The following DHX33 variants were observed in gnomAD, a reference collection of about 807,000 sequenced individuals.
The protein encoded by DHX33 is DEAH-box helicase 33, also known as ATP-dependent RNA helicase DHX33.
In DHX33, 42 loss-of-function variants were observed where a neutral mutation model predicts 72.5. The observed-to-expected ratio is 0.58, with a 90% CI of 0.45 to 0.75. The LOEUF (loss-of-function observed/expected upper bound fraction) is 0.75. Among genes scored for constraint, DHX33 ranks in the 30% least tolerant of loss-of-function variants. The pLI, the probability that DHX33 is intolerant of heterozygous loss-of-function variation, is 0.00. For missense variants in DHX33, 842 were observed against 917.5 expected, an observed-to-expected ratio of 0.92 and a Z score of 1.06; for synonymous variants, 358 against 366.1, an observed-to-expected ratio of 0.98 and a Z score of 0.25.
At chr17:5,449,369 C>G (rs964012094) in intron 10 of DHX33, among the ~76,000 whole-genome samples, 7 of 152,130 alleles carry the variant, frequency 4.6e-5, no homozygotes, top group Non-Finnish European at 7.3e-5. Context: ...GAAAAATGGA[C>G]AAAGGATATG....
Position 5,468,958 on chromosome 17 carries a change from G to GTTTTTGAA in DHX33, c.-100_-99insTTCAAAAA. The GTTTTTGAA allele has an allele frequency of 9.1e-7, 1 of 1,104,162 alleles. No individual in the cohort carries two copies. The highest frequency in any genetic ancestry group is 1.3e-6 in the Non-Finnish European group (1 of 778,254). 68.4% of individuals were successfully genotyped at this position (1,104,162 alleles called of 1,614,324 possible). ...CACACCGCCCCTTCCTCGCCGCCAC[G>GTTTTTGAA]TGCTGGCGGCTCCCGGCGACCACCG... On this transcript the variant is annotated 5_prime_UTR_variant, in exon 1 of 12. Coordinates refer to ENST00000225296, the MANE Select transcript of DHX33 (RefSeq NM_020162.4).
chr17:5,450,870 C>T lies in DHX33; in HGVS notation c.1461G>A (p.Gln487=), dbSNP rs767212022. The change falls in exon 9 of 12, where the codon CAG becomes CAA. Residue 487 remains glutamine (Q), a synonymous_variant. Coordinates refer to ENST00000225296, the MANE Select transcript of DHX33 (RefSeq NM_020162.4). ...TTCTTCCCATTGGAGTCAGGGTAAG[C>T]TGGTCATCCTTATGTTCAAGAGCAC... ...LLGALEHKDD[Q]LTLTPMGRKM... The T allele has an allele frequency of 1.2e-6, 2 of 1,614,054 alleles. No individual in the cohort carries two copies. The highest frequency in any genetic ancestry group is 1.7e-6 in the Non-Finnish European group (2 of 1,180,032).
At chr17:5,449,888 A>G (rs1916816473) in intron 10 of DHX33, among the ~76,000 whole-genome samples, 1 of 152,224 alleles carries the variant, frequency 6.6e-6, no homozygotes, top group African/African-American at 2.4e-5. Flanking sequence ...GGGGCTTGGC[A>G]CAGAGTAAGT....
intron 1 of DHX33, among the ~76,000 whole-genome samples, chr17:5,465,694 T>G (rs1282632271): frequency 1.3e-5 from 2 of 152,188 alleles, no homozygotes; most frequent in Non-Finnish European, 2.9e-5. Context: ...GAAGCAAACC[T>G]GAGTTTATAG....
intron 8 of DHX33, 52 bp from the exon 9 acceptor site, chr17:5,450,986 G>T: frequency 6.3e-7 from 1 of 1,597,688 alleles, no homozygotes; most frequent in Non-Finnish European, 8.5e-7. Context: ...AAATGAAGTT[G>T]CAGCTAGTTC....
intron 2 of DHX33, among the ~76,000 whole-genome samples, chr17:5,463,139 T>G (rs1484872026): frequency 6.6e-6 from 1 of 152,162 alleles, no homozygotes; most frequent in Non-Finnish European, 1.5e-5. Flanking sequence ...AAGGTATTTT[T>G]AAGTGAAATG....
chr17:5,448,009 T>C (rs1916729065), intron 11 of DHX33, among the ~76,000 whole-genome samples: 1 of 151,858 alleles, frequency 6.6e-6, no homozygotes, highest in Admixed American at 6.6e-5. Context: ...TGAAACCCCG[T>C]CTCTACTAAA....
intron 2 of DHX33, 96 bp from the exon 3 acceptor site, chr17:5,462,642 A>C (rs1310009720): frequency 4.9e-6 from 4 of 811,650 alleles, no homozygotes; most frequent in Non-Finnish European, 6.2e-6. Flanking sequence ...ACAGTGAACA[A>C]GACCAACACC....
chr17:5,459,996 G>T (rs2151689954), intron 4 of DHX33, among the ~76,000 whole-genome samples: 1 of 144,528 alleles, frequency 6.9e-6, no homozygotes, highest in Admixed American at 6.8e-5. Flanking sequence ...AGCGTACGGG[G>T]TTGCAAAAGA....
rs1916449283 is a variant in DHX33 at position 5,441,905 on chromosome 17, T to G, written c.*2300A>C. The stretch of plus-strand genomic sequence containing the variant: ...TTTTTCTTTTTCTTTCTTTCTTTCT[T>G]TTTTTTTCTGAGACCGTCTCACACT... On this transcript the variant is annotated 3_prime_UTR_variant, in exon 12 of 12. Transcript: ENST00000225296. 1 of 152,118 alleles carries G rather than the reference T, an allele frequency of 6.6e-6. No homozygotes were observed. Among genetic ancestry groups the G allele is most frequent in the African/African-American group, 2.4e-5 (1 of 41,414 alleles). 9.4% of individuals were successfully genotyped at this position (152,118 alleles called of 1,614,324 possible).
intron 4 of DHX33, among the ~76,000 whole-genome samples, chr17:5,459,637 C>T (rs973073252): frequency 3.3e-5 from 5 of 151,946 alleles, no homozygotes; most frequent in South Asian, 2.1e-4. Context: ...CTATGTTGCC[C>T]GGGCTGGTCT....
intron 2 of DHX33, 127 bp downstream of exon 2, chr17:5,463,402 C>T (rs530392429): frequency 2.2e-5 from 22 of 1,005,962 alleles, no homozygotes; most frequent in South Asian, 1.6e-4. Context: ...AAAGAACTCT[C>T]GGAAGAATAG....
chr17:5,463,635 C>T lies in DHX33; in HGVS notation c.344G>A (p.Gly115Glu). 6.2e-7 allele frequency: 1 copy of T among 1,613,984 alleles called. No individual in the cohort carries two copies. The highest frequency in any genetic ancestry group is 1.1e-5 in the South Asian group (1 of 91,072). ...AGCAATGATGCCCTGGCGGCTGATC[C>T]CTCCTTCATACAGGTACTGAGGGAT... Reference protein sequence around the residue: ...TQIPQYLYEGGISRQGIIAVT... With the variant: ...TQIPQYLYEGEISRQGIIAVT... The change falls in exon 2 of 12, where the codon GGG becomes GAG. Residue 115 changes from glycine to glutamate, a missense_variant. Gly to Glu is a moderately conservative substitution (Grantham distance 98). Transcript: ENST00000225296.
Position 5,454,367 on chromosome 17 carries a change from G to A in DHX33, c.1148-387C>T, listed in dbSNP as rs76435128. Among the ~76,000 whole-genome samples, 346 of 152,222 alleles carry A rather than the reference G, an allele frequency of 2.3e-3. 7 individuals carry two copies. In the East Asian group the frequency reaches 0.042, roughly 19 times the overall value. Reference sequence around the variant, plus strand: ...TGGGAGTTTCAGCAAACTAGGATGGGGGTCATACTATCAATCAATGACTAC... The same window carrying A: ...TGGGAGTTTCAGCAAACTAGGATGGAGGTCATACTATCAATCAATGACTAC... On this transcript the variant is annotated intron_variant, in intron 6 of 11. Coordinates refer to ENST00000225296, the MANE Select transcript of DHX33 (RefSeq NM_020162.4).
intron 4 of DHX33, among the ~76,000 whole-genome samples, chr17:5,457,838 C>G (rs187701554): frequency 3.3e-4 from 50 of 152,118 alleles, no homozygotes; most frequent in African/African-American, 1.1e-3. Context: ...CCTAATGCAC[C>G]AGCAGCCATC....
chr17:5,444,256 G>T lies in DHX33; in HGVS notation c.2073C>A (p.Tyr691Ter). ...TCCTAAAGTACTCAGGGGCAGCCTC[G>T]TACAGCCACTGTGCATCTATGACGC... ...DLCVIDAQWL[Y>*]EAAPEYFRRK... The change falls in exon 12 of 12, where the codon TAC becomes TAA. Residue 691 changes from tyrosine (Y) to a stop codon, truncating the protein, a stop_gained. Transcript: ENST00000225296. LOFTEE classifies it high-confidence loss of function. The surrounding 1 kb of genome is among the most constrained non-coding windows in gnomAD (Gnocchi z 4.9). 1.9e-6 allele frequency: 3 copies of T among 1,614,032 alleles called. No homozygotes were observed. The highest frequency in any genetic ancestry group is 2.5e-6 in the Non-Finnish European group (3 of 1,179,984).
chr17:5,453,311 C>A (rs1402182306), intron 8 of DHX33, among the ~76,000 whole-genome samples: 1 of 152,102 alleles, frequency 6.6e-6, no homozygotes, highest in Non-Finnish European at 1.5e-5. Flanking sequence ...ATCGCTGGAG[C>A]CCAGGAGTTG....
intron 4 of DHX33, among the ~76,000 whole-genome samples, chr17:5,457,919 C>T (rs977895814): frequency 9.2e-5 from 14 of 152,044 alleles, no homozygotes; most frequent in South Asian, 6.2e-4. Context: ...ACTATGAAAA[C>T]GACAGTAAAG....
intron 1 of DHX33, among the ~76,000 whole-genome samples, chr17:5,464,931 C>T (rs543882533): frequency 6.6e-6 from 1 of 152,296 alleles, no homozygotes; most frequent in South Asian, 2.1e-4. Context: ...GCACAGTGGC[C>T]CTCCTCTGGG....
Sources: allele counts gnomAD v4.1 joint callset (sites outside exome capture counted in the v4.1 genomes callset), GRCh38; gene constraint gnomAD v4.1.1; non-coding constraint Gnocchi (gnomAD v3.1); transcripts MANE v1.5; gene names NCBI Gene and HGNC (gene_info 2026-07-23, HGNC 2026-07-21).